HS3ST3B1: variants seen among roughly 807,000 people sequenced by gnomAD.
The protein encoded by HS3ST3B1 is heparan sulfate-glucosamine 3-sulfotransferase 3B1.
A neutral mutation model predicts 21.3 loss-of-function variants in HS3ST3B1; 13 were observed. The observed-to-expected ratio is 0.61, with a 90% CI of 0.40 to 0.97. The LOEUF is 0.97. HS3ST3B1 is among the 50% of genes least tolerant of loss of function. The probability of loss-of-function intolerance (pLI) is 0.00; values close to 1 mark genes in which losing one functional copy is unlikely to be tolerated. For synonymous variants in HS3ST3B1, 234 were observed against 254.8 expected (o/e 0.92, Z 0.78); for missense variants, 459 against 554.8 (o/e 0.83, Z 1.73).
chr17:14,336,756 T>G (rs949043401), intron 1 of HS3ST3B1, among the ~76,000 whole-genome samples: 2 of 152,248 alleles, frequency 1.3e-5, no homozygotes, highest in African/African-American at 2.4e-5. Flanking sequence ...AACAGGAATT[T>G]ATGCCATTAA....
intron 1 of HS3ST3B1, among the ~76,000 whole-genome samples, chr17:14,309,493 G>A (rs1909237616): frequency 6.6e-6 from 1 of 151,708 alleles, no homozygotes; most frequent in Non-Finnish European, 1.5e-5. Flanking sequence ...GAGGGGCTGC[G>A]GAGAGACCAA....
At chr17:14,320,176 T>C (rs115227193) in intron 1 of HS3ST3B1, among the ~76,000 whole-genome samples, 2,831 of 152,128 alleles carry the variant, frequency 0.019, 102 homozygotes, top group African/African-American at 0.064. Flanking sequence ...AGGGGTGAGA[T>C]GGCTAAACAC....
chr17:14,316,273 A>G (rs758951924), intron 1 of HS3ST3B1, among the ~76,000 whole-genome samples: 1 of 152,220 alleles, frequency 6.6e-6, no homozygotes, highest in South Asian at 2.1e-4. Context: ...AAAAAGAATA[A>G]AGAGCAAGAA....
intron 1 of HS3ST3B1, among the ~76,000 whole-genome samples, chr17:14,313,124 G>GTGTGTATATATATATCTATATA (rs1567637231): frequency 7.8e-6 from 1 of 128,796 alleles, no homozygotes; most frequent in Non-Finnish European, 1.6e-5. Context: ...ATATATATAT[G>GTGTGTATATATATATCTATATA]TGTGTGTGTG....
chr17:14,319,934 C>A (rs12952906), intron 1 of HS3ST3B1, among the ~76,000 whole-genome samples: 1 of 151,688 alleles, frequency 6.6e-6, no homozygotes, highest in Non-Finnish European at 1.5e-5. Flanking sequence ...CCACCCTCCC[C>A]CCGAGTCCCC....
At chr17:14,343,054 C>T (rs996599524) in intron 1 of HS3ST3B1, among the ~76,000 whole-genome samples, 6 of 152,006 alleles carry the variant, frequency 3.9e-5, no homozygotes, top group Admixed American at 6.6e-5. Context: ...CCATCCTGGC[C>T]AACATGGTGA....
chr17:14,311,062 T>A (rs1488892937), intron 1 of HS3ST3B1, among the ~76,000 whole-genome samples: 1 of 151,888 alleles, frequency 6.6e-6, no homozygotes, highest in Admixed American at 6.6e-5. Flanking sequence ...AAATCATGTT[T>A]ACTTACTTTT....
At chr17:14,329,315 G>GGGAA (rs1909908638) in intron 1 of HS3ST3B1, 1 of 94,696 alleles carries the variant, frequency 1.1e-5, no homozygotes, top group African/African-American at 4.1e-5. Context: ...GAGAGAAAGA[G>GGGAA]AGAAAGAAAG....
At chr17:14,326,360 G>A (rs1909817626) in intron 1 of HS3ST3B1, among the ~76,000 whole-genome samples, 1 of 152,154 alleles carries the variant, frequency 6.6e-6, no homozygotes, top group African/African-American at 2.4e-5. Flanking sequence ...GAGAAGCTAT[G>A]AACATTTCCA....
At position 14,345,029 on chromosome 17, in the gene HS3ST3B1, G is replaced by T; in HGVS notation, c.556G>T (p.Asp186Tyr). Residue 186 changes from aspartate (D) to tyrosine (Y), a missense_variant and splice_region_variant, in exon 2 of 2, where the codon GAC (aspartate) becomes TAC (tyrosine). Around this residue, in one of 3 missense-constraint regions of HS3ST3B1, gnomAD observed 317 missense variants for 278.6 expected, o/e 1.14. Coordinates refer to ENST00000360954, the MANE Select transcript of HS3ST3B1 (RefSeq NM_006041.3). Reference protein sequence around the residue: ...SYDKGLAWYRDLMPRTLDGQI... With the variant: ...SYDKGLAWYRYLMPRTLDGQI... ...GGTTTGTTTGCTTGCGTTTCTCAGG[G>T]ACCTGATGCCCAGAACCCTGGACGG... 6.2e-7 allele frequency: 1 copy of T among 1,604,112 alleles called. No individual in the cohort carries two copies. Among genetic ancestry groups the T allele is most frequent in the Non-Finnish European group, 8.5e-7 (1 of 1,173,570 alleles).
In HS3ST3B1 at chr17:14,329,289, GAAAT is replaced by G. The variant is rs1194715493; in HGVS notation, c.555-15735_555-15732del. ...TCTCAACCTAATTGTGTGCCATGAGGAAATAAAGAAAGAAAGAGAGAAAGAGAGA... is the reference window on the plus strand; with the variant it reads ...TCTCAACCTAATTGTGTGCCATGAGGAAAGAAAGAAAGAGAGAAAGAGAGA... On this transcript the variant is annotated intron_variant, in intron 1 of 1. Coordinates refer to ENST00000360954, the MANE Select transcript of HS3ST3B1 (RefSeq NM_006041.3). 5.5e-3 allele frequency: 785 copies of G among 141,594 alleles called. 8 individuals are homozygous for G. The highest frequency in any genetic ancestry group is 0.02 in the African/African-American group (717 of 35,266). 8.8% of individuals were successfully genotyped at this position (141,594 alleles called of 1,614,324 possible).
rs749215323 is a variant in HS3ST3B1 at position 14,302,091 on chromosome 17, G to C, written c.554+19G>C. 1.1e-5 allele frequency: 18 copies of C among 1,580,416 alleles called. No individual in the cohort carries two copies. In the East Asian group the frequency reaches 2.5e-4, roughly 22 times the overall value. On this transcript the variant is annotated intron_variant, in intron 1 of 1. Coordinates refer to ENST00000360954, the MANE Select transcript of HS3ST3B1 (RefSeq NM_006041.3). ...GGTACCGGTGAGTTTCCCTGCCAGG[G>C]GCAGGGTCTCCATCGTCGATTCAGA...
At position 14,326,022 on chromosome 17, in the gene HS3ST3B1, CGTGT is replaced by C. The variant is rs201500207; in HGVS notation, c.555-18996_555-18993del. Among the ~76,000 whole-genome samples, 12 of 150,410 alleles carry C rather than the reference CGTGT, an allele frequency of 8.0e-5. 1 individual carries two copies. Among genetic ancestry groups the C allele is most frequent in the African/African-American group, 2.2e-4 (9 of 40,880 alleles). ...TGATGACTCTGTGTGTGTGTGTGTACGTGTGTGTGTGTGCACGCACGTGTGTGCG... is the reference window on the plus strand; with the variant it reads ...TGATGACTCTGTGTGTGTGTGTGTACGTGTGTGTGCACGCACGTGTGTGCG... On this transcript the variant is annotated intron_variant, in intron 1 of 1. Coordinates refer to ENST00000360954, the MANE Select transcript of HS3ST3B1 (RefSeq NM_006041.3).
rs71147859 is a variant in HS3ST3B1 at position 14,332,829 on chromosome 17, C to CTT, written c.555-12175_555-12174dup. Among the ~76,000 whole-genome samples, 102 of 91,050 alleles carry CTT rather than the reference C, an allele frequency of 1.1e-3. 1 individual carries two copies. The East Asian group carries it at 0.027, about 24-fold the overall frequency. 59.7% of individuals were successfully genotyped at this position (91,050 alleles called of 152,430 possible). A position where few individuals can be genotyped will look rare whatever the true frequency, so the allele number is the denominator to read the frequency against. On this transcript the variant is annotated intron_variant, in intron 1 of 1. Transcript: ENST00000360954. ...CCTTTCATAAAAGAGGACCTTTTAT[C>CTT]TTTTTTTTTTTTTTTTTTTTTTTTT...
At chr17:14,327,386 C>T (rs1393768268) in intron 1 of HS3ST3B1, 1 of 152,038 alleles carries the variant, frequency 6.6e-6, no homozygotes, top group East Asian at 1.9e-4. Context: ...GTAAAGCATC[C>T]CAAGTTCAAT....
intron 1 of HS3ST3B1, among the ~76,000 whole-genome samples, chr17:14,315,776 G>A (rs1223434806): frequency 1.3e-5 from 2 of 150,798 alleles, no homozygotes; most frequent in East Asian, 3.9e-4. Context: ...AGCTGAGATT[G>A]CACCATTGCA....
chr17:14,345,807 T>A lies in HS3ST3B1; in HGVS notation c.*161T>A. On this transcript the variant is annotated 3_prime_UTR_variant, in exon 2 of 2. Transcript: ENST00000360954. ...CACACTCTTTAGAGAGTTAGCTTCATAATCTGTTAACATTCCAAAGTGTTT... is the reference window on the plus strand; with the variant it reads ...CACACTCTTTAGAGAGTTAGCTTCAAAATCTGTTAACATTCCAAAGTGTTT... 1 of 908,766 alleles carries A rather than the reference T, an allele frequency of 1.1e-6. No individual in the cohort carries two copies. The highest frequency in any genetic ancestry group is 1.6e-6 in the Non-Finnish European group (1 of 626,950). The allele number at this position is 908,766 out of a possible 1,614,324, so 56.3% of individuals were successfully genotyped here.
chr17:14,339,123 G>T (rs1910290637), intron 1 of HS3ST3B1, among the ~76,000 whole-genome samples: 1 of 152,116 alleles, frequency 6.6e-6, no homozygotes, highest in Non-Finnish European at 1.5e-5. Flanking sequence ...TATGTGCCAG[G>T]TTTACGTGCT....
intron 1 of HS3ST3B1, among the ~76,000 whole-genome samples, chr17:14,341,450 G>GT (rs1475765814): frequency 6.6e-6 from 1 of 152,056 alleles, no homozygotes; most frequent in African/African-American, 2.4e-5. Context: ...TAACATTTTT[G>GT]TAACAGCCTA....
Sources: gnomAD v4.1 joint callset for allele counts (sites outside exome capture counted in the v4.1 genomes callset) on GRCh38, gnomAD v4.1.1 for gene constraint, gnomAD v4.1.1 regional missense constraint, MANE v1.5 for transcripts, NCBI Gene and HGNC (gene_info 2026-07-23, HGNC 2026-07-21) for gene names.